The following LRRC7 variants were observed in gnomAD, a reference collection of about 807,000 sequenced individuals.
LRRC7 encodes leucine-rich repeat-containing protein 7.
LRRC7 carries 23 observed loss-of-function variants against 175.7 expected under a neutral mutation model. The observed-to-expected ratio is 0.13, with a 90% CI of 0.09 to 0.19. The LOEUF is 0.19. Ranked by LOEUF, LRRC7 falls within the 10% of genes least tolerant of loss-of-function variation. The pLI is 1.00. For missense variants in LRRC7, 1,354 were observed against 1,904.7 expected (o/e 0.71, Z 5.38); for synonymous variants, 685 against 680.9 (o/e 1.01, Z -0.09).
intron 2 of LRRC7, among the ~76,000 whole-genome samples, chr1:69,745,379 C>G (rs1332160294): frequency 6.6e-6 from 1 of 151,872 alleles, no homozygotes; most frequent in African/African-American, 2.4e-5. Flanking sequence ...ATATACAATA[C>G]TTTGGGGAGT....
chr1:69,597,604 G>A (rs1773309), intron 1 of LRRC7, among the ~76,000 whole-genome samples: 2 of 151,990 alleles, frequency 1.3e-5, no homozygotes, highest in East Asian at 1.9e-4. Flanking sequence ...CATAATGTCC[G>A]TAGCACCTAA....
intron 7 of LRRC7, among the ~76,000 whole-genome samples, chr1:69,867,407 C>T (rs1685062119): frequency 6.6e-6 from 1 of 152,064 alleles, no homozygotes; most frequent in South Asian, 2.1e-4. Flanking sequence ...ACATAAGGTA[C>T]CTAGTACAGA....
Position 70,038,342 on chromosome 1 carries a change from A to G in LRRC7, c.2518A>G (p.Thr840Ala), listed in dbSNP as rs946110751. The change falls in exon 21 of 27, where the codon ACA becomes GCA. Residue 840 changes from threonine to alanine, a missense_variant. Physicochemically the swap from Thr to Ala is moderately conservative, Grantham distance 58. Around this residue, in one of 4 missense-constraint regions of LRRC7, gnomAD observed 1,032 missense variants for 1,227.2 expected, o/e 0.84. Transcript: ENST00000651989. ...TCTCTTAAGTTCGAAATCTAGAAGC[A>G]CATCTTCGCATGGACGCAGGCCTTT... is the stretch of plus-strand genomic sequence containing the variant. ...NPLLSSKSRS[T>A]SSHGRRPLIR... The G allele has an allele frequency of 6.2e-7, 1 of 1,614,128 alleles. No individual in the cohort carries two copies. Among genetic ancestry groups the G allele is most frequent in the Admixed American group, 1.7e-5 (1 of 60,022 alleles).
intron 7 of LRRC7, among the ~76,000 whole-genome samples, chr1:69,862,232 A>G (rs1179839115): frequency 6.6e-6 from 1 of 152,198 alleles, no homozygotes; most frequent in African/African-American, 2.4e-5. Flanking sequence ...AGTAAACTAC[A>G]CAACTCTCAG....
intron 7 of LRRC7, chr1:69,919,793 AC>A: frequency 1.2e-6 from 1 of 846,360 alleles, no homozygotes; most frequent in Non-Finnish European, 2.0e-6. Context: ...GATGAGCGGG[AC>A]AGTGTTCACG....
chr1:70,028,957 T>G (rs1026170829), intron 18 of LRRC7, among the ~76,000 whole-genome samples: 1 of 152,186 alleles, frequency 6.6e-6, no homozygotes, highest in Admixed American at 6.5e-5. Context: ...TCAACTACAC[T>G]TATGCCACCT....
intron 2 of LRRC7, among the ~76,000 whole-genome samples, chr1:69,696,659 T>G (rs1284026307): frequency 6.6e-6 from 1 of 152,160 alleles, no homozygotes; most frequent in Non-Finnish European, 1.5e-5. Context: ...GTAGATGTGT[T>G]TAGGTCATGG....
intron 7 of LRRC7, among the ~76,000 whole-genome samples, chr1:69,839,482 G>T (rs1327518760): frequency 5.3e-5 from 8 of 152,038 alleles, no homozygotes; most frequent in Admixed American, 1.3e-4. Context: ...CAGGTTGGGG[G>T]CATAAACAGG....
At chr1:69,992,720 A>G (rs1654556296) in intron 10 of LRRC7, among the ~76,000 whole-genome samples, 1 of 152,182 alleles carries the variant, frequency 6.6e-6, no homozygotes, top group Non-Finnish European at 1.5e-5. Context: ...TCAACCTTTA[A>G]AGATATTGAA....
chr1:69,981,208 T>C (rs944545657), intron 9 of LRRC7, among the ~76,000 whole-genome samples: 40 of 152,226 alleles, frequency 2.6e-4, no homozygotes, highest in Non-Finnish European at 1.0e-4. Flanking sequence ...GGCATTGGTC[T>C]AAGTAGCCAC....
rs894395529 is a variant in LRRC7, at chr1:70,039,526, A to G, written c.3702A>G (p.Gln1234=). The part of the protein sequence containing the change: ...AGSFPVKNLT[Q]RRPLSARSYS... ...GTTTTCCGGTTAAAAACCTTACCCAAAGGAGGCCATTGTCTGCGAGAAGCT... is the reference window on the plus strand; with the variant it reads ...GTTTTCCGGTTAAAAACCTTACCCAGAGGAGGCCATTGTCTGCGAGAAGCT... The change falls in exon 21 of 27, where the codon CAA becomes CAG. Residue 1234 remains glutamine, a synonymous_variant. Transcript: ENST00000651989. 6.2e-7 allele frequency: 1 copy of G among 1,614,026 alleles called. No individual in the cohort carries two copies. The highest frequency in any genetic ancestry group is 8.5e-7 in the Non-Finnish European group (1 of 1,180,030).
rs1645943435 is a variant in LRRC7, at chr1:69,576,236, A to T, written c.2+7595A>T. Reference sequence around the variant, plus strand: ...GACAGAGTGACACTCTGAAAAAAAAAAAAGTTACTTTGGAAGGTCCTTTAA... The same window carrying T: ...GACAGAGTGACACTCTGAAAAAAAATAAAGTTACTTTGGAAGGTCCTTTAA... On this transcript the variant is annotated intron_variant, in intron 1 of 26. Transcript: ENST00000651989. Among the ~76,000 whole-genome samples, 4 of 137,254 alleles carry T rather than the reference A, an allele frequency of 2.9e-5. 1 individual carries two copies. The Admixed American group carries it at 3.0e-4, about 10-fold the overall frequency. The allele number at this position is 137,254 out of a possible 152,430, so 90.0% of individuals were successfully genotyped here.
At chr1:69,995,479 T>A (rs1418772368) in intron 11 of LRRC7, among the ~76,000 whole-genome samples, 3 of 152,058 alleles carry the variant, frequency 2.0e-5, no homozygotes, top group Non-Finnish European at 4.4e-5. Context: ...TGTATACATG[T>A]GCCATGCTGG....
chr1:69,747,248 A>G (rs894279023), intron 2 of LRRC7, among the ~76,000 whole-genome samples: 1 of 152,176 alleles, frequency 6.6e-6, no homozygotes, highest in East Asian at 1.9e-4. Context: ...TACGAAGTTA[A>G]TCCTTGAGTT....
chr1:69,981,707 A>C (rs772738528), intron 9 of LRRC7, among the ~76,000 whole-genome samples: 6 of 152,236 alleles, frequency 3.9e-5, no homozygotes, highest in Non-Finnish European at 8.8e-5. Flanking sequence ...CTGAGGCAAC[A>C]CGAGACACTT....
chr1:70,041,135 T>C (rs1659860005), intron 21 of LRRC7, among the ~76,000 whole-genome samples: 1 of 152,202 alleles, frequency 6.6e-6, no homozygotes, highest in South Asian at 2.1e-4. Flanking sequence ...GGTAATAATA[T>C]ACTATCGCAT....
At position 69,957,246 on chromosome 1, in the gene LRRC7, A is replaced by T. The variant is rs1021425407; in HGVS notation, c.712-23133A>T. 3.3e-5 allele frequency among the ~76,000 whole-genome samples: 5 copies of T among 151,962 alleles called. No homozygotes were observed. In the East Asian group the frequency reaches 7.7e-4, roughly 23 times the overall value. On this transcript the variant is annotated intron_variant, in intron 8 of 26. Transcript: ENST00000651989. ...GATACATGAATGAATTTTTATTATG[A>T]CTTGGTTCTTGCCTGCCTCTAATGA...
intron 8 of LRRC7, among the ~76,000 whole-genome samples, chr1:69,959,853 G>C (rs969324618): frequency 6.6e-6 from 1 of 152,096 alleles, no homozygotes; most frequent in Admixed American, 6.6e-5. Context: ...GATTGTGGTG[G>C]ACAAGCTTTT....
chr1:70,069,503 T>A (rs2478801), intron 23 of LRRC7, among the ~76,000 whole-genome samples: 139,304 of 152,206 alleles, frequency 0.92, 63,970 homozygotes, highest in African/African-American at 0.98. Context: ...CAGCCAAACT[T>A]TATCAGAGTC....
Sources: allele counts gnomAD v4.1 joint callset (sites outside exome capture counted in the v4.1 genomes callset), GRCh38; gene constraint gnomAD v4.1.1; regional missense constraint gnomAD v4.1.1; transcripts MANE v1.5; gene names NCBI Gene and HGNC (gene_info 2026-07-23, HGNC 2026-07-21).